The following GPR39 variants were observed in gnomAD, a reference collection of about 807,000 sequenced individuals.
The protein encoded by GPR39 is G protein-coupled receptor 39.
GPR39 carries 23 observed loss-of-function variants against 18.4 expected under a neutral mutation model. The ratio of observed to expected loss-of-function variants is 1.25; its 90% CI spans 0.90 to 1.77. The LOEUF (loss-of-function observed/expected upper bound fraction) is 1.77. Among genes scored for constraint, GPR39 ranks in the 40% most tolerant of loss-of-function variants. The probability of loss-of-function intolerance (pLI) is 0.00; values close to 1 mark genes in which losing one functional copy is unlikely to be tolerated. For synonymous variants in GPR39, 280 were observed against 257.9 expected, an observed-to-expected ratio of 1.09 and a Z score of -0.82; for missense variants, 647 against 602.4, an observed-to-expected ratio of 1.07 and a Z score of -0.78.
At chr2:132,567,071 G>T (rs183797641) in intron 1 of GPR39, among the ~76,000 whole-genome samples, 1 of 152,278 alleles carries the variant, frequency 6.6e-6, no homozygotes, top group Admixed American at 6.5e-5. Flanking sequence ...GGTGGCTCAT[G>T]CCTGTAATCC....
At chr2:132,628,364 G>A (rs1011667951) in intron 1 of GPR39, among the ~76,000 whole-genome samples, 12 of 152,178 alleles carry the variant, frequency 7.9e-5, no homozygotes, top group Non-Finnish European at 1.6e-4. Context: ...AATGCCCACA[G>A]GCTTGGGTCA....
intron 1 of GPR39, among the ~76,000 whole-genome samples, chr2:132,644,260 T>TAAAC (rs1440268163): frequency 6.6e-6 from 1 of 152,234 alleles, no homozygotes; most frequent in Non-Finnish European, 1.5e-5. Flanking sequence ...GTACATGCAG[T>TAAAC]AAACATTTGA....
At chr2:132,504,543 G>T (rs922301756) in intron 1 of GPR39, among the ~76,000 whole-genome samples, 17 of 152,010 alleles carry the variant, frequency 1.1e-4, no homozygotes, top group African/African-American at 4.1e-4. Context: ...CTCTTCCTGT[G>T]GACACCCTTC....
At chr2:132,593,859 C>T (rs1307008255) in intron 1 of GPR39, among the ~76,000 whole-genome samples, 1 of 152,070 alleles carries the variant, frequency 6.6e-6, no homozygotes, top group African/African-American at 2.4e-5. Context: ...AGGAAAGAAG[C>T]GCTCTCCATC....
chr2:132,564,485 C>A (rs1680310887), intron 1 of GPR39, among the ~76,000 whole-genome samples: 1 of 152,210 alleles, frequency 6.6e-6, no homozygotes, highest in South Asian at 2.1e-4. Context: ...ATTTCCCTAT[C>A]AACATGTCCA....
intron 1 of GPR39, among the ~76,000 whole-genome samples, chr2:132,592,237 A>G (rs889722447): frequency 3.9e-5 from 6 of 152,174 alleles, no homozygotes; most frequent in African/African-American, 1.4e-4. Flanking sequence ...CAAACATGGG[A>G]GTGAAACTGT....
At chr2:132,499,083 T>C (rs1456198754) in intron 1 of GPR39, among the ~76,000 whole-genome samples, 1 of 152,212 alleles carries the variant, frequency 6.6e-6, no homozygotes, top group East Asian at 1.9e-4. Context: ...CTATTTATCT[T>C]TGTTTTTGTT....
chr2:132,622,714 T>A (rs1171412297), intron 1 of GPR39, among the ~76,000 whole-genome samples: 1 of 152,082 alleles, frequency 6.6e-6, no homozygotes. Flanking sequence ...AAATTTGGAG[T>A]TGATAGAAAG....
intron 1 of GPR39, among the ~76,000 whole-genome samples, chr2:132,570,640 A>G (rs1344932405): frequency 6.6e-6 from 1 of 152,194 alleles, no homozygotes; most frequent in Non-Finnish European, 1.5e-5. Flanking sequence ...TCCTCTACCC[A>G]GGAAGGAAGA....
At chr2:132,487,385 T>C (rs1315269597) in intron 1 of GPR39, among the ~76,000 whole-genome samples, 2 of 152,212 alleles carry the variant, frequency 1.3e-5, no homozygotes, top group Non-Finnish European at 1.5e-5. Flanking sequence ...ATTTGCTTGA[T>C]GCAGTGTTGC....
At chr2:132,490,390 T>A (rs1356108315) in intron 1 of GPR39, among the ~76,000 whole-genome samples, 2 of 151,962 alleles carry the variant, frequency 1.3e-5, no homozygotes, top group African/African-American at 2.4e-5. Flanking sequence ...GTCCTCGGAA[T>A]TCTTTAACCA....
At chr2:132,454,152 T>C (rs1680678669) in intron 1 of GPR39, among the ~76,000 whole-genome samples, 1 of 152,182 alleles carries the variant, frequency 6.6e-6, no homozygotes, top group Non-Finnish European at 1.5e-5. Context: ...CCTCTTTTAT[T>C]TTGTTGAGCT....
intron 1 of GPR39, among the ~76,000 whole-genome samples, chr2:132,607,588 A>G (rs1681161769): frequency 6.6e-6 from 1 of 152,176 alleles, no homozygotes; most frequent in Non-Finnish European, 1.5e-5. Flanking sequence ...GACGTCTGAC[A>G]CCAGCAAGAG....
chr2:132,490,029 G>T lies in GPR39; in HGVS notation c.856+72131G>T, dbSNP rs186264046. On this transcript the variant is annotated intron_variant, in intron 1 of 1. Transcript: ENST00000329321. ...CCAGGCACCTGGCATGTGGCACCGT[G>T]CTTGCTCCTGTGCTCACCTGCTTTC... Among the ~76,000 whole-genome samples the T allele has an allele frequency of 3.2e-3, 482 of 151,898 alleles. 10 individuals are homozygous for T. The highest frequency in any genetic ancestry group is 0.011 in the African/African-American group (468 of 41,264).
Position 132,611,324 on chromosome 2 carries a change from C to T in GPR39, c.857-33777C>T, listed in dbSNP as rs117071585. On this transcript the variant is annotated intron_variant, in intron 1 of 1. Coordinates refer to ENST00000329321, the MANE Select transcript of GPR39 (RefSeq NM_001508.3). ...CTTGGCTGCCAAAGATTCCTAACCA[C>T]GCCAGGTGGTGAAGATTAATGGCCA... is the stretch of plus-strand genomic sequence containing the variant. Among the ~76,000 whole-genome samples, 25 of 152,274 alleles carry T rather than the reference C, an allele frequency of 1.6e-4. No individual in the cohort carries two copies. In the East Asian group the frequency reaches 3.1e-3, roughly 19 times the overall value.
intron 1 of GPR39, among the ~76,000 whole-genome samples, chr2:132,600,062 C>T (rs1347369510): frequency 6.6e-6 from 1 of 152,162 alleles, no homozygotes; most frequent in Non-Finnish European, 1.5e-5. Flanking sequence ...TTGGAGGTTA[C>T]CATTATCTTG....
chr2:132,507,665 CA>C (rs920140314), intron 1 of GPR39, among the ~76,000 whole-genome samples: 12 of 152,320 alleles, frequency 7.9e-5, no homozygotes, highest in African/African-American at 2.6e-4. Flanking sequence ...ATATCAGCTG[CA>C]AGCTCAAGAA....
At chr2:132,588,084 G>A (rs1680763306) in intron 1 of GPR39, among the ~76,000 whole-genome samples, 1 of 152,122 alleles carries the variant, frequency 6.6e-6, no homozygotes, top group South Asian at 2.1e-4. Flanking sequence ...GTTCAGCCTG[G>A]AAAGAGACTG....
intron 1 of GPR39, among the ~76,000 whole-genome samples, chr2:132,530,610 C>G (rs1052958570): frequency 3.2e-4 from 48 of 152,168 alleles, no homozygotes; most frequent in African/African-American, 1.1e-3. Flanking sequence ...AGAGAAAGGT[C>G]GGGTTACCCA....
Sources: allele counts gnomAD v4.1 joint callset (sites outside exome capture counted in the v4.1 genomes callset), GRCh38; gene constraint gnomAD v4.1.1; transcripts MANE v1.5; gene names NCBI Gene and HGNC (gene_info 2026-07-23, HGNC 2026-07-21).